Variants in KIAA1671 observed in about 807,000 individuals in gnomAD.
KIAA1671 encodes the protein uncharacterized protein KIAA1671.
A neutral mutation model predicts 131.2 loss-of-function variants in KIAA1671; 52 were observed. The ratio of observed to expected loss-of-function variants is 0.40; its 90% CI spans 0.32 to 0.50. The LOEUF is 0.50. Ranked by LOEUF, KIAA1671 falls within the 20% of genes least tolerant of loss-of-function variation. The probability of loss-of-function intolerance (pLI) is 0.73; values close to 1 mark genes in which losing one functional copy is unlikely to be tolerated. For missense variants in KIAA1671, 2,360 were observed against 2,364.2 expected (o/e 1.00, Z 0.04); for synonymous variants, 1,003 against 961.6 (o/e 1.04, Z -0.80).
At chr22:25,091,347 C>T (rs546237565) in intron 6 of KIAA1671, among the ~76,000 whole-genome samples, 10 of 152,114 alleles carry the variant, frequency 6.6e-5, no homozygotes, top group Non-Finnish European at 1.0e-4. Flanking sequence ...CATGAGCCAC[C>T]GTACCTGGCC....
At position 25,039,628 on chromosome 22, in the gene KIAA1671, C is replaced by G; in HGVS notation, c.2498C>G (p.Ala833Gly). The stretch of plus-strand genomic sequence containing the variant: ...GGGGCAGTGGTGAGCTCGCACAAAG[C>G]CACCGTGGCAGTCAGCGAAGAGCAC... The part of the protein sequence containing the change: ...TGGAVVSSHK[A>G]TVAVSEEHCA... The change falls in exon 5 of 13, where the codon GCC becomes GGC. Residue 833 changes from alanine (A) to glycine (G), a missense_variant. By Grantham distance (60) the Ala-to-Gly change is moderately conservative. Around this residue, in one of 3 missense-constraint regions of KIAA1671, gnomAD observed 1,185 missense variants for 1,126.2 expected, o/e 1.05. Transcript: ENST00000358431. 7.1e-6 allele frequency: 11 copies of G among 1,549,150 alleles called. No individual in the cohort carries two copies. Among genetic ancestry groups the G allele is most frequent in the Non-Finnish European group, 9.6e-6 (11 of 1,145,120 alleles).
intron 1 of KIAA1671, among the ~76,000 whole-genome samples, chr22:25,021,563 C>G (rs968554244): frequency 6.6e-6 from 1 of 150,486 alleles, no homozygotes; most frequent in Non-Finnish European, 1.5e-5. Context: ...GTGTCCCTAG[C>G]GCCTGGCCCA....
At chr22:25,169,770 C>CT (rs141447085) in intron 6 of KIAA1671, among the ~76,000 whole-genome samples, 1 of 152,200 alleles carries the variant, frequency 6.6e-6, no homozygotes, top group African/African-American at 2.4e-5. Context: ...CGTGCCCTCT[C>CT]TGAGTGCCCA....
chr22:25,180,114 A>G (rs1934214443), intron 9 of KIAA1671, among the ~76,000 whole-genome samples: 1 of 131,858 alleles, frequency 7.6e-6, no homozygotes, highest in African/African-American at 2.7e-5. Flanking sequence ...GCATCCCTAA[A>G]CAGTTACGTG....
chr22:25,150,366 A>C (rs759913152), intron 6 of KIAA1671, among the ~76,000 whole-genome samples: 2 of 152,190 alleles, frequency 1.3e-5, no homozygotes, highest in Non-Finnish European at 2.9e-5. Context: ...AGAGGGGGAA[A>C]CTGAGGTCCT....
Position 25,139,394 on chromosome 22 carries a change from G to T in KIAA1671, c.4531-31426G>T, listed in dbSNP as rs529321574. ...GGGAGGCTGTATGGTACAAAGGTGGGGTCCAGCAGACTTGGCCTTGAATCT... is the reference window on the plus strand; with the variant it reads ...GGGAGGCTGTATGGTACAAAGGTGGTGTCCAGCAGACTTGGCCTTGAATCT... On this transcript the variant is annotated intron_variant, in intron 6 of 12. Coordinates refer to ENST00000358431, the MANE Select transcript of KIAA1671 (RefSeq NM_001145206.2). 5.3e-5 allele frequency among the ~76,000 whole-genome samples: 8 copies of T among 152,302 alleles called. No homozygotes were observed. The South Asian group carries it at 1.7e-3, about 32-fold the overall frequency.
At chr22:25,112,141 C>T in intron 6 of KIAA1671, 1 of 398,794 alleles carries the variant, frequency 2.5e-6, no homozygotes, top group Non-Finnish European at 4.4e-6. Flanking sequence ...TCTCTCCCTC[C>T]CTAACTTCCT....
At chr22:24,968,722 A>T (rs778086223) in intron 1 of KIAA1671, among the ~76,000 whole-genome samples, 7 of 151,956 alleles carry the variant, frequency 4.6e-5, no homozygotes, top group Non-Finnish European at 8.8e-5. Context: ...ACTTTTATTG[A>T]TTACATAATC....
At chr22:25,043,529 G>A (rs926163494) in intron 5 of KIAA1671, among the ~76,000 whole-genome samples, 1 of 152,198 alleles carries the variant, frequency 6.6e-6, no homozygotes, top group Non-Finnish European at 1.5e-5. Context: ...GAAGAACCAC[G>A]AAGGTGGGGA....
chr22:25,185,696 A>G (rs1934455258), intron 11 of KIAA1671: 1 of 152,322 alleles, frequency 6.6e-6, no homozygotes, highest in Admixed American at 6.5e-5. Context: ...CAGGGGATCT[A>G]AGGTCACACA....
At chr22:25,042,876 A>T (rs73157985) in intron 5 of KIAA1671, among the ~76,000 whole-genome samples, 5,440 of 152,070 alleles carry the variant, frequency 0.036, 121 homozygotes, top group South Asian at 0.058. Context: ...GGCACATCTC[A>T]CTGGGGACCC....
At chr22:25,179,201 G>A in intron 9 of KIAA1671, 2 of 1,055,252 alleles carry the variant, frequency 1.9e-6, no homozygotes, top group South Asian at 1.4e-5. Context: ...AGCTGGGGGC[G>A]GGGGTGGGGG....
chr22:24,967,076 T>TA (rs931216358), intron 1 of KIAA1671, among the ~76,000 whole-genome samples: 8 of 152,158 alleles, frequency 5.3e-5, no homozygotes, highest in African/African-American at 1.9e-4. Context: ...ACCTTTTTTT[T>TA]ACAGGAGGAC....
rs181237872 is a variant in KIAA1671, at chr22:25,184,566, G to A, written c.5200-411G>A. On this transcript the variant is annotated intron_variant, in intron 10 of 12. Transcript: ENST00000358431. ...ATATTTGCCCTCCGGTTTTCTTATG[G>A]GACTCTAATAGACTGTCGAAAACTT... Among the ~76,000 whole-genome samples the A allele has an allele frequency of 1.5e-3, 223 of 152,256 alleles. 4 individuals carry two copies. Among genetic ancestry groups the A allele is most frequent in the Admixed American group, 3.6e-3 (55 of 15,304 alleles).
In KIAA1671 at chr22:24,982,820, G is replaced by A. The variant is rs116462527; in HGVS notation, c.-208+30048G>A. On this transcript the variant is annotated intron_variant, in intron 1 of 12. Coordinates refer to ENST00000358431, the MANE Select transcript of KIAA1671 (RefSeq NM_001145206.2). ...GGAGGGAGAGGGAGCTTCTCCTGCCGGACCCAAGTCCTTGCAGGATGAGTG... is the reference window on the plus strand; with the variant it reads ...GGAGGGAGAGGGAGCTTCTCCTGCCAGACCCAAGTCCTTGCAGGATGAGTG... Among the ~76,000 whole-genome samples the A allele has an allele frequency of 5.4e-3, 829 of 152,270 alleles. 2 individuals are homozygous for A. The highest frequency in any genetic ancestry group is 0.019 in the African/African-American group (784 of 41,542).
chr22:25,029,203 T>C lies in KIAA1671; in HGVS notation c.1204T>C (p.Ser402Pro), dbSNP rs1295682551. 4 of 1,456,792 alleles carry C rather than the reference T, an allele frequency of 2.7e-6. No individual in the cohort carries two copies. The highest frequency in any genetic ancestry group is 3.6e-6 in the Non-Finnish European group (4 of 1,101,568). 90.2% of individuals were successfully genotyped at this position (1,456,792 alleles called of 1,614,324 possible). Residue 402 changes from serine to proline, a missense_variant, in exon 3 of 13, where the codon TCC (serine) becomes CCC (proline). This residue lies in a region of KIAA1671 where 1,185 missense variants were observed against 1,126.2 expected (regional missense o/e 1.05). Transcript: ENST00000358431. ...CCCAGAGCCAGAGAAGGCTGCTGAG[T>C]CCCCCTCACCCAGGCTGGGAAGGGG... ...LDPEPEKAAE[S>P]PSPRLGRGLE...
In KIAA1671 at chr22:24,967,822, C is replaced by T. The variant is rs150816041; in HGVS notation, c.-208+15050C>T. ...CCTGGCTAACACGGTGAAACCCTGT[C>T]TCTACTAAAAAATACAAAAATTTAG... On this transcript the variant is annotated intron_variant, in intron 1 of 12. Transcript: ENST00000358431. Among the ~76,000 whole-genome samples the T allele has an allele frequency of 8.7e-3, 1,321 of 152,242 alleles. 23 individuals carry two copies. Among genetic ancestry groups the T allele is most frequent in the African/African-American group, 0.03 (1,248 of 41,558 alleles).
intron 11 of KIAA1671, chr22:25,185,465 C>T: frequency 4.1e-6 from 1 of 242,288 alleles, no homozygotes; most frequent in East Asian, 8.9e-5. Flanking sequence ...TCCTCTTCCC[C>T]TTTGGGGAAG....
intron 1 of KIAA1671, among the ~76,000 whole-genome samples, chr22:24,954,059 C>T (rs966937315): frequency 5.9e-5 from 9 of 152,066 alleles, no homozygotes; most frequent in Non-Finnish European, 1.2e-4. Context: ...CTCTCCTTTC[C>T]CGTGCCCCAT....
Sources: allele counts gnomAD v4.1 joint callset (sites outside exome capture counted in the v4.1 genomes callset), GRCh38; gene constraint gnomAD v4.1.1; regional missense constraint gnomAD v4.1.1; transcripts MANE v1.5; gene names NCBI Gene and HGNC (gene_info 2026-07-23, HGNC 2026-07-21).